Variants in NCAM2 observed in about 807,000 individuals in gnomAD.
NCAM2 encodes neural cell adhesion molecule 2.
A neutral mutation model predicts 98.1 loss-of-function variants in NCAM2; 30 were observed. That is an observed-to-expected ratio of 0.31 (90% CI 0.23 to 0.41). The LOEUF (loss-of-function observed/expected upper bound fraction) is 0.41, where lower values mean the gene tolerates loss of function less well. Among genes scored for constraint, NCAM2 ranks in the 10% least tolerant of loss-of-function variants. The pLI is 1.00. For synonymous variants in NCAM2, 368 were observed against 342.4 expected, an observed-to-expected ratio of 1.07 and a Z score of -0.83; for missense variants, 867 against 1,005.8, an observed-to-expected ratio of 0.86 and a Z score of 1.87.
chr21:21,098,114 A>T (rs79144095), intron 1 of NCAM2, among the ~76,000 whole-genome samples: 1 of 150,034 alleles, frequency 6.7e-6, no homozygotes, highest in African/African-American at 2.4e-5. Context: ...TATGGAATTT[A>T]GTTTTACAAA....
At chr21:21,339,587 T>C (rs1190767266) in intron 8 of NCAM2, among the ~76,000 whole-genome samples, 2 of 151,950 alleles carry the variant, frequency 1.3e-5, no homozygotes, top group Admixed American at 1.3e-4. Context: ...TTAAACTTTT[T>C]TCATTATTAA....
chr21:21,425,639 TA>T (rs1308907232), intron 11 of NCAM2, among the ~76,000 whole-genome samples: 2 of 142,088 alleles, frequency 1.4e-5, no homozygotes, highest in Non-Finnish European at 3.1e-5. Flanking sequence ...CATGGATGTA[TA>T]AGAACAAAAA....
At chr21:21,453,472 A>G (rs563498705) in intron 12 of NCAM2, among the ~76,000 whole-genome samples, 4 of 152,076 alleles carry the variant, frequency 2.6e-5, no homozygotes, top group Non-Finnish European at 5.9e-5. Flanking sequence ...CAGGCTATGG[A>G]GAAGACTTTG....
At chr21:21,511,845 A>T (rs968459714) in intron 16 of NCAM2, among the ~76,000 whole-genome samples, 8 of 151,936 alleles carry the variant, frequency 5.3e-5, no homozygotes, top group South Asian at 2.1e-4. Context: ...TTCTCTGATG[A>T]TGATGCTGAG....
chr21:21,496,768 C>A (rs2146323535), intron 15 of NCAM2, among the ~76,000 whole-genome samples: 1 of 152,168 alleles, frequency 6.6e-6, no homozygotes, highest in Non-Finnish European at 1.5e-5. Context: ...AGTTTTTAAT[C>A]CATCCCGAGT....
At chr21:21,034,747 T>C (rs6417712) in intron 1 of NCAM2, among the ~76,000 whole-genome samples, 145,808 of 152,192 alleles carry the variant, frequency 0.96, 70,166 homozygotes, top group East Asian at 1. Context: ...TCTTCTGAAA[T>C]GTATTTTTTT....
At chr21:21,093,593 G>A (rs955192755) in intron 1 of NCAM2, among the ~76,000 whole-genome samples, 5 of 152,004 alleles carry the variant, frequency 3.3e-5, no homozygotes, top group Admixed American at 2.0e-4. Context: ...AAGCCACCAT[G>A]CTGTAGTAAC....
intron 1 of NCAM2, among the ~76,000 whole-genome samples, chr21:21,146,888 T>C (rs2067289367): frequency 6.6e-6 from 1 of 151,610 alleles, no homozygotes; most frequent in South Asian, 2.1e-4. Context: ...CCAGTGGACT[T>C]GCTGAAATCT....
At chr21:21,167,232 C>A (rs1363635999) in intron 1 of NCAM2, among the ~76,000 whole-genome samples, 1 of 151,980 alleles carries the variant, frequency 6.6e-6, no homozygotes, top group Non-Finnish European at 1.5e-5. Context: ...CTCTCACCCT[C>A]CCCTTGAAAT....
intron 8 of NCAM2, among the ~76,000 whole-genome samples, chr21:21,351,529 A>T (rs1401717132): frequency 6.6e-6 from 1 of 152,194 alleles, no homozygotes; most frequent in East Asian, 1.9e-4. Flanking sequence ...CAAAATTTTG[A>T]ATTATCTTGT....
At chr21:21,054,282 CCA>C (rs2065170532) in intron 1 of NCAM2, among the ~76,000 whole-genome samples, 2 of 151,920 alleles carry the variant, frequency 1.3e-5, no homozygotes, top group African/African-American at 4.8e-5. Context: ...TTGGTTGTCA[CCA>C]CACAGTACAG....
intron 12 of NCAM2, among the ~76,000 whole-genome samples, chr21:21,454,059 GA>G (rs957679957): frequency 2.6e-5 from 4 of 151,934 alleles, no homozygotes; most frequent in Non-Finnish European, 5.9e-5. Context: ...GAAATTAATT[GA>G]TCTAACTTTG....
At chr21:21,226,050 G>A (rs1004108014) in intron 1 of NCAM2, among the ~76,000 whole-genome samples, 71 of 151,936 alleles carry the variant, frequency 4.7e-4, no homozygotes, top group Non-Finnish European at 2.5e-4. Flanking sequence ...GCAAATTAAC[G>A]CAGAAACAGA....
intron 8 of NCAM2, among the ~76,000 whole-genome samples, chr21:21,348,142 A>T (rs183133837): frequency 6.6e-6 from 1 of 152,204 alleles, no homozygotes; most frequent in Admixed American, 6.5e-5. Context: ...GATCTAAGTG[A>T]CATCCAAATT....
intron 1 of NCAM2, among the ~76,000 whole-genome samples, chr21:21,258,707 C>T (rs575127311): frequency 3.4e-4 from 51 of 152,206 alleles, no homozygotes; most frequent in Non-Finnish European, 5.1e-4. Context: ...TGTTTGTGCA[C>T]GCATGGTGGG....
At position 21,159,542 on chromosome 21, in the gene NCAM2, T is replaced by C. The variant is rs78313243; in HGVS notation, c.56-121036T>C. Among the ~76,000 whole-genome samples, 178 of 152,276 alleles carry C rather than the reference T, an allele frequency of 1.2e-3. 2 individuals carry two copies. In the East Asian group the frequency reaches 0.033, roughly 28 times the overall value. ...GTTTAGATACACAAATAATTAACCA[T>C]TGTATTACAGTTGCCTCCAGTATTT... On this transcript the variant is annotated intron_variant, in intron 1 of 17. Transcript: ENST00000400546.
At chr21:21,147,689 A>C (rs1484793196) in intron 1 of NCAM2, among the ~76,000 whole-genome samples, 1 of 139,026 alleles carries the variant, frequency 7.2e-6, no homozygotes, top group African/African-American at 2.5e-5. Context: ...ATATGCACAC[A>C]TACATCAAAA....
At chr21:21,084,513 T>G (rs1483833085) in intron 1 of NCAM2, among the ~76,000 whole-genome samples, 4 of 152,194 alleles carry the variant, frequency 2.6e-5, no homozygotes, top group African/African-American at 4.8e-5. Flanking sequence ...TTAAAAAATT[T>G]TGTCATTTCA....
intron 15 of NCAM2, among the ~76,000 whole-genome samples, chr21:21,503,458 T>C (rs1380195887): frequency 6.6e-6 from 1 of 151,852 alleles, no homozygotes; most frequent in Non-Finnish European, 1.5e-5. Flanking sequence ...AAAGGGATGA[T>C]TTGTGTCCCT....
Sources: allele counts gnomAD v4.1 joint callset (sites outside exome capture counted in the v4.1 genomes callset), GRCh38; gene constraint gnomAD v4.1.1; transcripts MANE v1.5; gene names NCBI Gene and HGNC (gene_info 2026-07-23, HGNC 2026-07-21).